The following CMBL variants were observed in gnomAD, a reference collection of about 807,000 sequenced individuals.
The protein encoded by CMBL is carboxymethylenebutenolidase homolog (Pseudomonas).
CMBL carries 17 observed loss-of-function variants against 28.7 expected under a neutral mutation model. The observed-to-expected ratio is 0.59, with a 90% CI of 0.41 to 0.89. The LOEUF (loss-of-function observed/expected upper bound fraction) is 0.89, where lower values mean the gene tolerates loss of function less well. Among genes scored for constraint, CMBL ranks in the 40% least tolerant of loss-of-function variants. The pLI is 0.00. For synonymous variants in CMBL, 106 were observed against 101.6 expected, an observed-to-expected ratio of 1.04 and a Z score of -0.26; for missense variants, 310 against 298.5, an observed-to-expected ratio of 1.04 and a Z score of -0.28.
chr5:10,285,006 AT>A (rs1329160346), intron 4 of CMBL, among the ~76,000 whole-genome samples: 1 of 120,634 alleles, frequency 8.3e-6, no homozygotes, highest in Non-Finnish European at 1.8e-5. Flanking sequence ...TTTTTTTTTT[AT>A]TTTTTATTTT....
At chr5:10,293,093 A>G (rs1297440834) in intron 1 of CMBL, among the ~76,000 whole-genome samples, 2 of 152,256 alleles carry the variant, frequency 1.3e-5, no homozygotes, top group African/African-American at 4.8e-5. Context: ...CTACATAGCA[A>G]AACTTGATAC....
intron 1 of CMBL, among the ~76,000 whole-genome samples, chr5:10,292,329 C>T (rs1746737587): frequency 6.6e-6 from 1 of 152,096 alleles, no homozygotes; most frequent in South Asian, 2.1e-4. Flanking sequence ...CCTTAGCCTC[C>T]CAAGTAGCTG....
In CMBL at chr5:10,286,409, A is replaced by T; in HGVS notation, c.411T>A (p.Ala137=). 1 of 1,614,102 alleles carries T rather than the reference A, an allele frequency of 6.2e-7. No homozygotes were observed. Among genetic ancestry groups the T allele is most frequent in the South Asian group, 1.1e-5 (1 of 91,080 alleles). The change falls in exon 4 of 6, where the codon GCT becomes GCA. Residue 137 remains alanine, a synonymous_variant. Coordinates refer to ENST00000296658, the MANE Select transcript of CMBL (RefSeq NM_138809.4). ...AGTATTTCATCATCAAATGATGGAC[A>T]GCAGTTCCACCCCAGCAGAATCCCA... The part of the protein sequence containing the change: ...GIVGFCWGGT[A]VHHLMMKYSE...
chr5:10,282,026 G>GC (rs1336516777), intron 5 of CMBL, among the ~76,000 whole-genome samples, 171 bp downstream of exon 5: 2 of 152,138 alleles, frequency 1.3e-5, no homozygotes, highest in African/African-American at 4.8e-5. Flanking sequence ...CAGGTGCGGT[G>GC]GTGGGCGCCT....
At chr5:10,288,383 G>A in intron 3 of CMBL, 39 bp downstream of exon 3, 1 of 1,485,254 alleles carries the variant, frequency 6.7e-7, no homozygotes, top group Non-Finnish European at 9.4e-7. Flanking sequence ...ACCTCCCTGG[G>A]CCACAACGTG....
At chr5:10,306,895 C>A (rs889199509) in intron 1 of CMBL, among the ~76,000 whole-genome samples, 1 of 152,144 alleles carries the variant, frequency 6.6e-6, no homozygotes, top group Non-Finnish European at 1.5e-5. Context: ...GTTCCCAGGC[C>A]TGGACAGGAT....
intron 1 of CMBL, among the ~76,000 whole-genome samples, chr5:10,303,626 C>G (rs13177199): frequency 3.9e-5 from 6 of 152,140 alleles, no homozygotes; most frequent in African/African-American, 1.4e-4. Flanking sequence ...AGCCCCCAAC[C>G]AACTGACTGG....
Position 10,286,364 on chromosome 5 carries a change from C to T in CMBL, c.456G>A (p.Val152=), listed in dbSNP as rs1005706352. 3 of 1,613,668 alleles carry T rather than the reference C, an allele frequency of 1.9e-6. No individual in the cohort carries two copies. Among genetic ancestry groups the T allele is most frequent in the South Asian group, 2.2e-5 (2 of 90,942 alleles). ...ACAAGGCAGATTTACCATAGACGGA[C>T]ACCCCTGCCCTGAATTCTGAGTATT... ...MMKYSEFRAG[V]SVYGIVKDSE... is the part of the protein sequence containing the mutation. The change falls in exon 4 of 6, where the codon GTG becomes GTA. Residue 152 remains valine (V), a synonymous_variant. Coordinates refer to ENST00000296658, the MANE Select transcript of CMBL (RefSeq NM_138809.4).
intron 5 of CMBL, 41 bp from the exon 6 acceptor site, chr5:10,280,673 T>C: frequency 1.3e-6 from 2 of 1,516,176 alleles, no homozygotes; most frequent in Non-Finnish European, 9.0e-7. Context: ...CCTTTAGTGA[T>C]ACTTTCCATT....
At chr5:10,290,088 C>T (rs1203708499) in intron 2 of CMBL, among the ~76,000 whole-genome samples, 6 of 152,176 alleles carry the variant, frequency 3.9e-5, no homozygotes, top group Non-Finnish European at 8.8e-5. Context: ...CTTCTGAACC[C>T]CAGTCTAATT....
At chr5:10,283,167 C>T (rs1445387079) in intron 4 of CMBL, among the ~76,000 whole-genome samples, 2 of 152,046 alleles carry the variant, frequency 1.3e-5, no homozygotes, top group Admixed American at 6.6e-5. Flanking sequence ...GTCTACCTCC[C>T]CACTTTATGG....
intron 2 of CMBL, among the ~76,000 whole-genome samples, chr5:10,290,146 C>T (rs1274900966): frequency 2.0e-5 from 3 of 152,244 alleles, no homozygotes; most frequent in Non-Finnish European, 2.9e-5. Context: ...GAGCCTTGGA[C>T]ACCCTGCCGT....
rs1457294342 is a variant in CMBL, at chr5:10,290,575, G to A, written c.188C>T (p.Ala63Val). The change falls in exon 2 of 6, where the codon GCT becomes GTT. Residue 63 changes from alanine (A) to valine (V), a missense_variant. Physicochemically the swap from Ala to Val is moderately conservative, Grantham distance 64. Transcript: ENST00000296658. The stretch of plus-strand genomic sequence containing the variant: ...GTATCCATTTCCTGAGATCATGTCA[G>A]CTATATATCTGGTATTGGGCAACTG... Reference protein sequence around the residue: ...GWQLPNTRYIADMISGNGYTT... With the variant: ...GWQLPNTRYIVDMISGNGYTT... 5 of 1,613,756 alleles carry A rather than the reference G, an allele frequency of 3.1e-6. No homozygotes were observed. The highest frequency in any genetic ancestry group is 3.4e-6 in the Non-Finnish European group (4 of 1,179,746).
chr5:10,305,235 G>A (rs1439921752), intron 1 of CMBL, among the ~76,000 whole-genome samples: 1 of 149,288 alleles, frequency 6.7e-6, no homozygotes, highest in African/African-American at 2.6e-5. Context: ...CATGTTCGTC[G>A]GCAATGCCCA....
At chr5:10,297,157 C>T (rs1746823378) in intron 1 of CMBL, among the ~76,000 whole-genome samples, 1 of 146,110 alleles carries the variant, frequency 6.8e-6, no homozygotes, top group South Asian at 2.2e-4. Flanking sequence ...TGCACTGCAG[C>T]CTAGGCAATA....
intron 1 of CMBL, among the ~76,000 whole-genome samples, chr5:10,292,663 A>T (rs1746746623): frequency 6.6e-6 from 1 of 152,066 alleles, no homozygotes; most frequent in Non-Finnish European, 1.5e-5. Context: ...GTCTCTACTA[A>T]AAATACAAAA....
At chr5:10,294,318 T>C (rs1277559683) in intron 1 of CMBL, among the ~76,000 whole-genome samples, 1 of 152,168 alleles carries the variant, frequency 6.6e-6, no homozygotes, top group African/African-American at 2.4e-5. Flanking sequence ...CTCATGCCTG[T>C]AATCTCAATA....
intron 1 of CMBL, among the ~76,000 whole-genome samples, chr5:10,299,983 A>G (rs540557817): frequency 3.9e-5 from 6 of 152,322 alleles, no homozygotes; most frequent in African/African-American, 1.4e-4. Context: ...ATAAACTGTA[A>G]TTTATTGATT....
chr5:10,280,413 G>A lies in CMBL; in HGVS notation c.*40C>T. On this transcript the variant is annotated 3_prime_UTR_variant, in exon 6 of 6. Transcript: ENST00000296658. ...TCTAACTATTTCCAAGCAAATTTTG[G>A]GATGAAAGCTATTCTAGGAAGGCTT... The A allele has an allele frequency of 6.8e-7, 1 of 1,460,862 alleles. No homozygotes were observed. Among genetic ancestry groups the A allele is most frequent in the Admixed American group, 2.0e-5 (1 of 49,658 alleles). The allele number at this position is 1,460,862 out of a possible 1,614,324, so 90.5% of individuals were successfully genotyped here. A position where few individuals can be genotyped will look rare whatever the true frequency, so the allele number is the denominator to read the frequency against.
Sources: allele counts gnomAD v4.1 joint callset (sites outside exome capture counted in the v4.1 genomes callset), GRCh38; gene constraint gnomAD v4.1.1; transcripts MANE v1.5; gene names NCBI Gene and HGNC (gene_info 2026-07-23, HGNC 2026-07-21).